Variants in UNC13C observed in about 807,000 individuals in gnomAD.
UNC13C encodes unc-13 homolog C, also known as protein unc-13 homolog C.
A neutral mutation model predicts 245.4 loss-of-function variants in UNC13C; 174 were observed. That is an observed-to-expected ratio of 0.71 (90% CI 0.63 to 0.80). The LOEUF (loss-of-function observed/expected upper bound fraction) is 0.80. UNC13C is among the 30% of genes least tolerant of loss of function. The pLI, the probability that UNC13C is intolerant of heterozygous loss-of-function variation, is 0.00. For missense variants in UNC13C, 2,829 were observed against 2,602.9 expected (o/e 1.09, Z -1.89); for synonymous variants, 992 against 895.1 (o/e 1.11, Z -1.93).
intron 4 of UNC13C, among the ~76,000 whole-genome samples, chr15:54,190,344 A>G (rs1192754239): frequency 2.0e-5 from 3 of 152,312 alleles, no homozygotes; most frequent in South Asian, 2.1e-4. Context: ...CAAAAAGACT[A>G]CATAGCAATA....
rs146533071 is a variant in UNC13C at position 54,272,360 on chromosome 15, A to G, written c.3818+6864A>G. Among the ~76,000 whole-genome samples the G allele has an allele frequency of 3.7e-3, 569 of 152,070 alleles. 6 individuals are homozygous for G. The highest frequency in any genetic ancestry group is 0.013 in the African/African-American group (543 of 41,326). ...TATAAAAGATAATTTATTTAATACC[A>G]TATTTAAAATATTTTGATAGCACAG... On this transcript the variant is annotated intron_variant, in intron 10 of 32. Transcript: ENST00000260323.
chr15:53,920,563 TAAATA>T, the UNC13C span, among the ~76,000 whole-genome samples: 2 of 151,884 alleles, frequency 1.3e-5, no homozygotes, highest in Admixed American at 1.3e-4. Flanking sequence ...AAAATAATAA[TAAATA>T]AAAAGCAAAA....
At chr15:53,976,475 C>CTTTTTTTTTTTTTTTTT (rs879775519), upstream of UNC13C, among the ~76,000 whole-genome samples, 16 of 63,724 alleles carry the variant, frequency 2.5e-4, 1 homozygote, top group Admixed American at 7.7e-4. Flanking sequence ...CTCTCTCTCT[C>CTTTTTTTTTTTTTTTTT]TCTTTTTTTT....
chr15:53,853,936 C>A, the UNC13C span, among the ~76,000 whole-genome samples: 1 of 152,076 alleles, frequency 6.6e-6, no homozygotes, highest in Non-Finnish European at 1.5e-5. Context: ...TTCTCCCATT[C>A]TGTAAATTGT....
At chr15:54,184,174 A>C (rs8036207) in intron 4 of UNC13C, among the ~76,000 whole-genome samples, 1 of 152,034 alleles carries the variant, frequency 6.6e-6, no homozygotes, top group African/African-American at 2.4e-5. Context: ...AACAAGAAAG[A>C]AAGCCAAGGC....
chr15:54,184,528 T>C (rs2033908324), intron 4 of UNC13C, among the ~76,000 whole-genome samples: 1 of 152,188 alleles, frequency 6.6e-6, no homozygotes, highest in Non-Finnish European at 1.5e-5. Flanking sequence ...TTTGGTTTTT[T>C]GTCCTTGCGA....
chr15:54,616,550 TAAC>T (rs1330405498), intron 30 of UNC13C, among the ~76,000 whole-genome samples: 4 of 151,972 alleles, frequency 2.6e-5, no homozygotes, highest in African/African-American at 9.7e-5. Context: ...AATAGTTTAT[TAAC>T]AACAACAGCA....
upstream of UNC13C, among the ~76,000 whole-genome samples, chr15:53,975,706 T>C (rs1039974764): frequency 6.6e-6 from 1 of 152,224 alleles, no homozygotes; most frequent in African/African-American, 2.4e-5. Flanking sequence ...GGTTCCTTGC[T>C]TTTCTTCCAC....
intron 4 of UNC13C, among the ~76,000 whole-genome samples, chr15:54,175,857 C>A (rs1460090816): frequency 6.6e-6 from 1 of 152,136 alleles, no homozygotes; most frequent in African/African-American, 2.4e-5. Context: ...TATTTATAAG[C>A]AGTGGTTATA....
intron 30 of UNC13C, among the ~76,000 whole-genome samples, chr15:54,592,872 T>G (rs968779231): frequency 2.0e-5 from 3 of 151,792 alleles, no homozygotes; most frequent in Non-Finnish European, 4.4e-5. Flanking sequence ...TGTTTTTTTT[T>G]TTTTTTTACT....
chr15:54,623,293 G>C (rs1398177470), intron 31 of UNC13C, among the ~76,000 whole-genome samples: 1 of 151,946 alleles, frequency 6.6e-6, no homozygotes, highest in Non-Finnish European at 1.5e-5. Context: ...AATATTATTA[G>C]CAGTTGACAA....
intron 6 of UNC13C, 30 bp from the exon 7 acceptor site, chr15:54,237,589 A>G (rs2035736313): frequency 6.4e-7 from 1 of 1,574,702 alleles, no homozygotes. Flanking sequence ...CTCCCTATGT[A>G]TTAATAAGTC....
At chr15:53,969,353 A>G in the UNC13C span, among the ~76,000 whole-genome samples, 2 of 152,132 alleles carry the variant, frequency 1.3e-5, no homozygotes, top group African/African-American at 4.8e-5. Context: ...CAGGAATTTG[A>G]TAAATTATTT....
At chr15:54,109,075 C>G (rs992738107) in intron 2 of UNC13C, among the ~76,000 whole-genome samples, 3 of 152,112 alleles carry the variant, frequency 2.0e-5, no homozygotes, top group Non-Finnish European at 4.4e-5. Flanking sequence ...CTCACTTTCT[C>G]TCTATTATGC....
chr15:54,063,467 C>G (rs1897935772), intron 2 of UNC13C, among the ~76,000 whole-genome samples: 1 of 151,676 alleles, frequency 6.6e-6, no homozygotes, highest in Non-Finnish European at 1.5e-5. Flanking sequence ...CATTTCACAT[C>G]CCTCCTAGGA....
chr15:54,156,938 A>G (rs945389903), intron 4 of UNC13C, among the ~76,000 whole-genome samples: 1 of 151,870 alleles, frequency 6.6e-6, no homozygotes, highest in Non-Finnish European at 1.5e-5. Flanking sequence ...ACTAGACATC[A>G]GAGGAAAGAA....
At chr15:54,629,397 G>A (rs529387607), downstream of UNC13C, 24 of 151,984 alleles carry the variant, frequency 1.6e-4, no homozygotes, top group African/African-American at 4.8e-4. Context: ...ATTTACCTAC[G>A]TAATAAACCT....
chr15:54,410,539 G>T (rs1323233677), intron 18 of UNC13C, among the ~76,000 whole-genome samples: 2 of 151,800 alleles, frequency 1.3e-5, no homozygotes, highest in Non-Finnish European at 2.9e-5. Flanking sequence ...GTTGATTTTT[G>T]TATATGGTGA....
At chr15:54,065,648 T>C (rs1452026476) in intron 2 of UNC13C, among the ~76,000 whole-genome samples, 1 of 152,234 alleles carries the variant, frequency 6.6e-6, no homozygotes, top group African/African-American at 2.4e-5. Context: ...GGCTTTGCCA[T>C]CCTGGAATTC....
Sources: gnomAD v4.1 joint callset for allele counts (sites outside exome capture counted in the v4.1 genomes callset) on GRCh38, gnomAD v4.1.1 for gene constraint, MANE v1.5 for transcripts, NCBI Gene and HGNC (gene_info 2026-07-23, HGNC 2026-07-21) for gene names.